NCOA2: variants seen among roughly 807,000 people sequenced by gnomAD.
NCOA2 encodes class E basic helix-loop-helix protein 75.
In NCOA2, 21 loss-of-function variants were observed where a neutral mutation model predicts 145.1. The ratio of observed to expected loss-of-function variants is 0.14; its 90% CI spans 0.10 to 0.21. The LOEUF is 0.21. NCOA2 is among the 10% of genes least tolerant of loss of function. NCOA2 has a pLI of 1.00. For missense variants in NCOA2, 1,472 were observed against 1,837.6 expected (o/e 0.80, Z 3.64); for synonymous variants, 619 against 637.5 (o/e 0.97, Z 0.44).
chr8:70,435,076 G>A, the NCOA2 span, among the ~76,000 whole-genome samples: 4 of 152,076 alleles, frequency 2.6e-5, no homozygotes, highest in South Asian at 8.3e-4. Context: ...CACAAACCTT[G>A]GTAATATCTA....
At chr8:70,215,645 C>T (rs1343717011) in intron 3 of NCOA2, among the ~76,000 whole-genome samples, 2 of 152,088 alleles carry the variant, frequency 1.3e-5, no homozygotes, top group African/African-American at 4.8e-5. Flanking sequence ...ATGTCTGATG[C>T]TTTTACTGTC....
At chr8:70,417,130 G>A in the NCOA2 span, among the ~76,000 whole-genome samples, 2 of 151,614 alleles carry the variant, frequency 1.3e-5, no homozygotes, top group East Asian at 3.9e-4. Flanking sequence ...TCTTGGTGCT[G>A]GGCATGGTGG....
the NCOA2 span, among the ~76,000 whole-genome samples, chr8:70,418,005 T>C: frequency 5.3e-5 from 8 of 152,188 alleles, no homozygotes; most frequent in African/African-American, 1.9e-4. Flanking sequence ...AATTCCTCCC[T>C]TTGGAACTAA....
intron 3 of NCOA2, among the ~76,000 whole-genome samples, chr8:70,216,354 T>C (rs562610866): frequency 1.3e-5 from 2 of 152,308 alleles, no homozygotes; most frequent in South Asian, 4.1e-4. Context: ...TAACGGCAAA[T>C]CCTTTTTACT....
At chr8:70,224,268 A>C (rs1215449132) in intron 2 of NCOA2, among the ~76,000 whole-genome samples, 5 of 152,246 alleles carry the variant, frequency 3.3e-5, no homozygotes, top group Non-Finnish European at 2.9e-5. Context: ...TTTATCTGGC[A>C]TACCAAGAAT....
chr8:70,402,885 C>T (rs80111012), intron 1 of NCOA2, among the ~76,000 whole-genome samples: 10,127 of 144,780 alleles, frequency 0.07, 710 homozygotes, highest in East Asian at 0.35. Context: ...CCCGGCTCCC[C>T]GCCCCCACCA....
the NCOA2 span, among the ~76,000 whole-genome samples, chr8:70,432,900 A>G: frequency 1.3e-5 from 2 of 152,150 alleles, no homozygotes; most frequent in Non-Finnish European, 2.9e-5. Flanking sequence ...ATTTTAATCT[A>G]TTTCTTTCAG....
At chr8:70,298,973 T>C (rs914175023) in intron 1 of NCOA2, among the ~76,000 whole-genome samples, 1 of 151,984 alleles carries the variant, frequency 6.6e-6, no homozygotes, top group African/African-American at 2.4e-5. Context: ...GGCAGGAGAA[T>C]GGCGTGAACC....
chr8:70,413,734 T>C, the NCOA2 span, among the ~76,000 whole-genome samples: 1 of 152,240 alleles, frequency 6.6e-6, no homozygotes, highest in Middle Eastern at 3.2e-3. Flanking sequence ...ATTCAAAATA[T>C]TTACAGAGTC....
chr8:70,445,473 A>G, the NCOA2 span, among the ~76,000 whole-genome samples: 9 of 152,306 alleles, frequency 5.9e-5, no homozygotes, highest in Non-Finnish European at 1.2e-4. Flanking sequence ...GTAACGAGAG[A>G]AAGAGGAGGA....
chr8:70,228,296 C>G (rs1820844931), intron 2 of NCOA2, among the ~76,000 whole-genome samples: 1 of 152,170 alleles, frequency 6.6e-6, no homozygotes, highest in Non-Finnish European at 1.5e-5. Flanking sequence ...TCAGCAAAAG[C>G]ATAAGCATAT....
chr8:70,309,298 T>C (rs1290160308), intron 1 of NCOA2, among the ~76,000 whole-genome samples: 1 of 151,758 alleles, frequency 6.6e-6, no homozygotes. Context: ...AATAATAAAT[T>C]ATTGTTTTAA....
At chr8:70,115,469 TC>T (rs910990423) in intron 22 of NCOA2, among the ~76,000 whole-genome samples, 1 of 152,124 alleles carries the variant, frequency 6.6e-6, no homozygotes, top group African/African-American at 2.4e-5. Context: ...AGGGGTGGGG[TC>T]CATTACGTAC....
chr8:70,423,883 C>T, the NCOA2 span, among the ~76,000 whole-genome samples: 1 of 152,194 alleles, frequency 6.6e-6, no homozygotes, highest in Non-Finnish European at 1.5e-5. Flanking sequence ...CCCCGACACT[C>T]TCCGCCAATC....
At chr8:70,327,553 A>G (rs1806702011) in intron 1 of NCOA2, among the ~76,000 whole-genome samples, 1 of 152,206 alleles carries the variant, frequency 6.6e-6, no homozygotes, top group African/African-American at 2.4e-5. Flanking sequence ...ATAAATCAGA[A>G]TACCAACAGA....
intron 2 of NCOA2, among the ~76,000 whole-genome samples, chr8:70,257,139 A>C (rs1251590276): frequency 6.6e-6 from 1 of 152,202 alleles, no homozygotes; most frequent in East Asian, 1.9e-4. Flanking sequence ...CAAATTAGTA[A>C]GAACAGAAGA....
chr8:70,383,424 T>C (rs73684289), intron 1 of NCOA2, among the ~76,000 whole-genome samples: 3,431 of 152,340 alleles, frequency 0.023, 126 homozygotes, highest in African/African-American at 0.078. Context: ...CATGTTTAAA[T>C]TGGAATACTT....
At chr8:70,451,217 C>CAAAAA in the NCOA2 span, among the ~76,000 whole-genome samples, 88 of 65,290 alleles carry the variant, frequency 1.3e-3, 1 homozygote, top group East Asian at 4.1e-3. Flanking sequence ...GACTCCGTCT[C>CAAAAA]AAAAAAAAAA....
intron 1 of NCOA2, among the ~76,000 whole-genome samples, chr8:70,383,545 G>A (rs1812399674): frequency 6.6e-6 from 1 of 152,044 alleles, no homozygotes; most frequent in Non-Finnish European, 1.5e-5. Context: ...CGCTCTTGCT[G>A]CCCAGGCTGG....
Sources: allele counts gnomAD v4.1 joint callset (sites outside exome capture counted in the v4.1 genomes callset), GRCh38; gene constraint gnomAD v4.1.1; transcripts MANE v1.5; gene names NCBI Gene and HGNC (gene_info 2026-07-23, HGNC 2026-07-21).